The following KIN variants were observed in gnomAD, a reference collection of about 807,000 sequenced individuals.
The protein encoded by KIN is Kin17 DNA and RNA binding protein, also known as DNA/RNA-binding protein KIN17.
A neutral mutation model predicts 63.0 loss-of-function variants in KIN; 47 were observed. The observed-to-expected ratio is 0.75, with a 90% CI of 0.59 to 0.95. The LOEUF (loss-of-function observed/expected upper bound fraction) is 0.95, where lower values mean the gene tolerates loss of function less well. Ranked by LOEUF, KIN falls within the 40% of genes least tolerant of loss-of-function variation. KIN has a pLI of 0.00. For missense variants in KIN, 408 were observed against 460.9 expected, an observed-to-expected ratio of 0.89 and a Z score of 1.05; for synonymous variants, 160 against 157.7, an observed-to-expected ratio of 1.01 and a Z score of -0.11.
chr10:7,775,182 C>T (rs184217703), intron 6 of KIN, among the ~76,000 whole-genome samples: 5 of 152,314 alleles, frequency 3.3e-5, no homozygotes, highest in Admixed American at 2.0e-4. Context: ...TAGGTCTCCA[C>T]GCCTCTTGCC....
intron 8 of KIN, chr10:7,766,339 G>C (rs1835543368): frequency 2.4e-6 from 1 of 413,460 alleles, no homozygotes; most frequent in Admixed American, 4.4e-5. Context: ...AACTGACCTA[G>C]GAAGCAAACA....
At chr10:7,768,560 AG>A (rs1398081450) in intron 8 of KIN, among the ~76,000 whole-genome samples, 2 of 151,754 alleles carry the variant, frequency 1.3e-5, no homozygotes, top group Non-Finnish European at 2.9e-5. Flanking sequence ...AACATGTCAC[AG>A]GTTTCTCGTG....
intron 12 of KIN, among the ~76,000 whole-genome samples, chr10:7,758,965 T>G (rs1835387422): frequency 6.6e-6 from 1 of 151,316 alleles, no homozygotes; most frequent in South Asian, 2.1e-4. Flanking sequence ...CTTGATTTAC[T>G]GAAATGAGAA....
intron 7 of KIN, among the ~76,000 whole-genome samples, chr10:7,770,702 A>G (rs926531564): frequency 6.6e-6 from 1 of 152,258 alleles, no homozygotes; most frequent in African/African-American, 2.4e-5. Context: ...TTAATGTGTC[A>G]TATTTACAAA....
intron 10 of KIN, among the ~76,000 whole-genome samples, chr10:7,763,145 A>C (rs574437804): frequency 2.0e-4 from 30 of 151,974 alleles, no homozygotes; most frequent in Non-Finnish European, 4.1e-4. Flanking sequence ...AATCCCAGCT[A>C]CTCGGGAGGC....
chr10:7,757,285 G>C (rs760264394), intron 12 of KIN, among the ~76,000 whole-genome samples: 1 of 152,040 alleles, frequency 6.6e-6, no homozygotes, highest in Admixed American at 6.6e-5. Flanking sequence ...GATCACCTGA[G>C]GTCAGGAGTT....
intron 12 of KIN, among the ~76,000 whole-genome samples, chr10:7,757,603 AATG>A (rs1344085288): frequency 5.3e-5 from 8 of 152,084 alleles, no homozygotes; most frequent in Non-Finnish European, 1.0e-4. Context: ...TGATGACAAT[AATG>A]ATGATGACAA....
intron 7 of KIN, among the ~76,000 whole-genome samples, chr10:7,774,021 G>A (rs147333749): frequency 8.5e-5 from 13 of 152,306 alleles, no homozygotes; most frequent in Non-Finnish European, 1.5e-4. Context: ...AGCTGCCACC[G>A]GCTTTTGTAA....
In KIN at chr10:7,766,098, T is replaced by C. The variant is rs1261613098; in HGVS notation, c.804A>G (p.Glu268=). Residue 268 remains glutamate, a synonymous_variant, in exon 9 of 13, where the codon GAA becomes GAG. Coordinates refer to ENST00000379562, the MANE Select transcript of KIN (RefSeq NM_012311.4). ...KSALDEIMEI[E]EEKKRTARTD... is the part of the protein sequence containing the mutation. ...TTCGGGCAGTTCTTTTCTTTTCCTCTTCAATCTGTAGAACACATAATGTCT... is the reference window on the plus strand; with the variant it reads ...TTCGGGCAGTTCTTTTCTTTTCCTCCTCAATCTGTAGAACACATAATGTCT... 6.2e-7 allele frequency: 1 copy of C among 1,607,662 alleles called. No homozygotes were observed. Among genetic ancestry groups the C allele is most frequent in the East Asian group, 2.2e-5 (1 of 44,660 alleles).
chr10:7,778,817 A>G, intron 5 of KIN, 21 bp downstream of exon 5: 4 of 1,609,350 alleles, frequency 2.5e-6, no homozygotes, highest in Non-Finnish European at 3.4e-6. Flanking sequence ...GTTGCTTCTC[A>G]GGATGATGTT....
At chr10:7,778,003 C>T (rs1225945828) in intron 5 of KIN, among the ~76,000 whole-genome samples, 1 of 152,152 alleles carries the variant, frequency 6.6e-6, no homozygotes, top group Non-Finnish European at 1.5e-5. Context: ...AGCGGAGGCG[C>T]TTATAAATAT....
In KIN at chr10:7,755,009, A is replaced by C. The variant is rs894316543; in HGVS notation, c.*1071T>G. On this transcript the variant is annotated 3_prime_UTR_variant, in exon 13 of 13. Coordinates refer to ENST00000379562, the MANE Select transcript of KIN (RefSeq NM_012311.4). ...TTTGGGAGGCTGAGGCAGGAGGATC[A>C]CTTGAGCCCAGGAGTTTGACAGCAG... 6.6e-6 allele frequency: 1 copy of C among 152,464 alleles called. No individual in the cohort carries two copies. Among genetic ancestry groups the C allele is most frequent in the Non-Finnish European group, 1.5e-5 (1 of 68,238 alleles). The allele number at this position is 152,464 out of a possible 1,614,324, so 9.4% of individuals were successfully genotyped here.
At chr10:7,786,037 T>C (rs1835996643) in intron 1 of KIN, among the ~76,000 whole-genome samples, 2 of 152,186 alleles carry the variant, frequency 1.3e-5, no homozygotes, top group African/African-American at 4.8e-5. Context: ...TGAACCCTAA[T>C]GTAAACTATG....
In KIN at chr10:7,751,192, C is replaced by T. The variant is rs1281239694; in HGVS notation, c.*4888G>A. On this transcript the variant is annotated 3_prime_UTR_variant, in exon 13 of 13. Transcript: ENST00000379562. ...ACAACTTTCCTTAAAAAATCAATTC[C>T]TAAAATGAACGTATTTTCAAAAGTC... The T allele has an allele frequency of 6.6e-6, 1 of 152,152 alleles. No individual in the cohort carries two copies. The highest frequency in any genetic ancestry group is 2.4e-5 in the African/African-American group (1 of 41,440). The allele number at this position is 152,152 out of a possible 1,614,324, so 9.4% of individuals were successfully genotyped here.
intron 7 of KIN, among the ~76,000 whole-genome samples, chr10:7,772,678 C>T (rs1299927899): frequency 2.0e-5 from 3 of 152,138 alleles, no homozygotes; most frequent in Non-Finnish European, 4.4e-5. Flanking sequence ...AATTGTATTA[C>T]CCATGACACT....
At chr10:7,761,701 G>A (rs571740784) in intron 11 of KIN, among the ~76,000 whole-genome samples, 4 of 152,168 alleles carry the variant, frequency 2.6e-5, no homozygotes, top group East Asian at 3.9e-4. Flanking sequence ...TGTGTAAGGT[G>A]TATATAAAAC....
intron 6 of KIN, 50 bp downstream of exon 6, chr10:7,775,701 A>G (rs776926028): frequency 1.0e-6 from 1 of 986,670 alleles, no homozygotes; most frequent in Non-Finnish European, 1.5e-6. Context: ...AACAAAGCCA[A>G]TATAAAAGCA....
Position 7,755,948 on chromosome 10 carries a change from CAGTAA to C in KIN, c.*127_*131del. ...CTCAAAGTTTAGCTGAACAACTATACAGTAATATTTTCAAAAACCTGTTTGTTTTA... is the reference window on the plus strand; with the variant it reads ...CTCAAAGTTTAGCTGAACAACTATACTATTTTCAAAAACCTGTTTGTTTTA... On this transcript the variant is annotated 3_prime_UTR_variant, in exon 13 of 13. Coordinates refer to ENST00000379562, the MANE Select transcript of KIN (RefSeq NM_012311.4). The C allele has an allele frequency of 2.4e-6, 1 of 417,972 alleles. No homozygotes were observed. Among genetic ancestry groups the C allele is most frequent in the Non-Finnish European group, 4.3e-6 (1 of 234,178 alleles). 25.9% of individuals were successfully genotyped at this position (417,972 alleles called of 1,614,324 possible).
chr10:7,763,860 T>C, intron 9 of KIN, 69 bp from the exon 10 acceptor site: 1 of 765,420 alleles, frequency 1.3e-6, no homozygotes, highest in Non-Finnish European at 2.1e-6. Flanking sequence ...CTTCTTCCTT[T>C]TAAACTATGT....
Sources: allele counts gnomAD v4.1 joint callset (sites outside exome capture counted in the v4.1 genomes callset), GRCh38; gene constraint gnomAD v4.1.1; transcripts MANE v1.5; gene names NCBI Gene and HGNC (gene_info 2026-07-23, HGNC 2026-07-21).